Variants in CACNA2D4 observed in about 807,000 individuals in gnomAD.
CACNA2D4 encodes calcium voltage-gated channel auxiliary subunit alpha2delta 4.
Under a neutral mutation model 163.8 loss-of-function variants are expected in CACNA2D4, and 157 were observed. That is an observed-to-expected ratio of 0.96 (90% CI 0.84 to 1.09). CACNA2D4 has a LOEUF of 1.09. CACNA2D4 is among the 50% of genes least tolerant of loss of function. The probability of loss-of-function intolerance (pLI) is 0.00; values close to 1 mark genes in which losing one functional copy is unlikely to be tolerated. For missense variants in CACNA2D4, 1,410 were observed against 1,479.9 expected, an observed-to-expected ratio of 0.95 and a Z score of 0.78; for synonymous variants, 598 against 586.9, an observed-to-expected ratio of 1.02 and a Z score of -0.27.
At chr12:1,909,448 C>T (rs1006142837) in intron 4 of CACNA2D4, among the ~76,000 whole-genome samples, 17 of 152,236 alleles carry the variant, frequency 1.1e-4, no homozygotes, top group African/African-American at 3.9e-4. Flanking sequence ...CCCGCCTCAG[C>T]CTCCCAAAGT....
chr12:1,861,368 G>A (rs922891454), intron 18 of CACNA2D4, among the ~76,000 whole-genome samples: 2 of 152,132 alleles, frequency 1.3e-5, no homozygotes, highest in African/African-American at 4.8e-5. Context: ...AAGATGTCTT[G>A]GGGGAGTTGG....
At chr12:1,815,559 A>G (rs1227705798) in intron 26 of CACNA2D4, among the ~76,000 whole-genome samples, 1 of 151,142 alleles carries the variant, frequency 6.6e-6, no homozygotes, top group Non-Finnish European at 1.5e-5. Context: ...GTCTGGGGCT[A>G]ATAGCAGGCA....
chr12:1,797,192 C>G (rs1366765135), intron 35 of CACNA2D4, among the ~76,000 whole-genome samples: 1 of 152,230 alleles, frequency 6.6e-6, no homozygotes, highest in African/African-American at 2.4e-5. Flanking sequence ...CCGGCTGTCC[C>G]GGTCCCCAGC....
Position 1,793,575 on chromosome 12 carries a change from T to G in CACNA2D4, c.*80A>C. Reference sequence around the variant, plus strand: ...TGGGGGCGACCCAACTGCAGTTAGCTGCATCCCATGTCAGTGCTGACTTTT... The same window carrying G: ...TGGGGGCGACCCAACTGCAGTTAGCGGCATCCCATGTCAGTGCTGACTTTT... On this transcript the variant is annotated 3_prime_UTR_variant, in exon 38 of 38. Transcript: ENST00000382722. 1.6e-6 allele frequency: 2 copies of G among 1,272,158 alleles called. No individual in the cohort carries two copies. The highest frequency in any genetic ancestry group is 2.3e-6 in the Non-Finnish European group (2 of 872,926). 78.8% of individuals were successfully genotyped at this position (1,272,158 alleles called of 1,614,324 possible). A position where few individuals can be genotyped will look rare whatever the true frequency, so the allele number is the denominator to read the frequency against.
chr12:1,805,504 G>A (rs35786612), intron 29 of CACNA2D4, among the ~76,000 whole-genome samples: 7,558 of 152,252 alleles, frequency 0.05, 251 homozygotes, highest in Middle Eastern at 0.088. Context: ...TGTCTGGCTC[G>A]GGTCGGGATC....
chr12:1,854,088 T>A, intron 22 of CACNA2D4, 44 bp from the exon 23 acceptor site: 1 of 1,437,830 alleles, frequency 7.0e-7, no homozygotes, highest in East Asian at 2.4e-5. Context: ...GCTTCCTCCA[T>A]GCTCATGAAC....
intron 19 of CACNA2D4, among the ~76,000 whole-genome samples, chr12:1,859,146 T>C (rs1409419410): frequency 3.3e-5 from 5 of 152,140 alleles, no homozygotes; most frequent in Admixed American, 2.6e-4. Flanking sequence ...ATTAAATTGG[T>C]CTGGCCAGCC....
rs367633944 is a variant in CACNA2D4 at position 1,886,298 on chromosome 12, C to T, written c.918G>A (p.Arg306=). Residue 306 remains arginine (R), a synonymous_variant, in exon 8 of 38, where the codon AGG becomes AGA. Coordinates refer to ENST00000382722, the MANE Select transcript of CACNA2D4 (RefSeq NM_172364.5). The part of the protein sequence containing the change: ...VDVSGSMKGL[R]MTIAKHTITT... Reference sequence around the variant, plus strand: ...TGATGGTGTGCTTGGCAATAGTCATCCTCAGCCCCTTCATACTGCCGCTCA... The same window carrying T: ...TGATGGTGTGCTTGGCAATAGTCATTCTCAGCCCCTTCATACTGCCGCTCA... The T allele has an allele frequency of 7.4e-6, 12 of 1,613,648 alleles. No individual in the cohort carries two copies. The highest frequency in any genetic ancestry group is 1.0e-5 in the Non-Finnish European group (12 of 1,179,702).
chr12:1,860,286 G>T (rs1181912283), intron 18 of CACNA2D4, 80 bp from the exon 19 acceptor site: 2 of 1,032,674 alleles, frequency 1.9e-6, no homozygotes, highest in South Asian at 1.3e-5. Context: ...GGGCTCTTGG[G>T]GTCTTCATCG....
intron 6 of CACNA2D4, 54 bp from the exon 7 acceptor site, chr12:1,887,123 C>T: frequency 2.3e-6 from 3 of 1,310,770 alleles, no homozygotes; most frequent in Admixed American, 3.9e-5. Context: ...ACCCCAGATC[C>T]CCTGGCTGGG....
intron 6 of CACNA2D4, among the ~76,000 whole-genome samples, chr12:1,899,393 C>A (rs1000738610): frequency 2.6e-5 from 4 of 151,522 alleles, no homozygotes; most frequent in African/African-American, 7.3e-5. Context: ...CCTGACAAGA[C>A]TAACAAAATA....
chr12:1,900,140 G>GT (rs985498857), intron 6 of CACNA2D4, among the ~76,000 whole-genome samples: 3 of 152,048 alleles, frequency 2.0e-5, no homozygotes, highest in Non-Finnish European at 4.4e-5. Context: ...AATAAAAATT[G>GT]TTTTTTTGAG....
intron 3 of CACNA2D4, among the ~76,000 whole-genome samples, chr12:1,910,670 TA>T (rs1352679383): frequency 6.6e-6 from 1 of 152,198 alleles, no homozygotes; most frequent in African/African-American, 2.4e-5. Flanking sequence ...TATGCAGCCC[TA>T]AAAAGGAATG....
rs879077571 is a variant in CACNA2D4, at chr12:1,907,665, G to A, written c.650-94C>T. The A allele has an allele frequency of 3.2e-4, 332 of 1,048,318 alleles. 2 individuals are homozygous for A. Among genetic ancestry groups the A allele is most frequent in the Middle Eastern group, 4.7e-4 (2 of 4,294 alleles). 64.9% of individuals were successfully genotyped at this position (1,048,318 alleles called of 1,614,324 possible). A position where few individuals can be genotyped will look rare whatever the true frequency, so the allele number is the denominator to read the frequency against. ...GGGTGCCTGGTGGGCGTGTCTGGTG[G>A]GCGTGTCTGGTAAGCGTGCCTGGTG... On this transcript the variant is annotated intron_variant, in intron 5 of 37. Transcript: ENST00000382722.
rs574616609 is a variant in CACNA2D4 at position 1,891,184 on chromosome 12, A to T, written c.782-4115T>A. 5.3e-5 allele frequency among the ~76,000 whole-genome samples: 8 copies of T among 152,268 alleles called. No homozygotes were observed. In the East Asian group the frequency reaches 1.5e-3, roughly 29 times the overall value. On this transcript the variant is annotated intron_variant, in intron 6 of 37. Transcript: ENST00000382722. ...GTGTACACCTCCCTGGGACCCAAGG[A>T]CATGCATGCTCAGCCCACTGCCACA... is the stretch of plus-strand genomic sequence containing the variant.
At chr12:1,903,810 G>A (rs1866593633) in intron 6 of CACNA2D4, among the ~76,000 whole-genome samples, 1 of 152,054 alleles carries the variant, frequency 6.6e-6, no homozygotes. Context: ...GAACAGTTTT[G>A]AGGTTCCTCA....
intron 6 of CACNA2D4, among the ~76,000 whole-genome samples, chr12:1,896,706 T>A (rs1866415791): frequency 6.6e-6 from 1 of 150,690 alleles, no homozygotes; most frequent in African/African-American, 2.4e-5. Flanking sequence ...ATGCCATTGG[T>A]GGGAATGTAA....
In CACNA2D4 at chr12:1,834,470, GA is replaced by G; in HGVS notation, c.2551+6268del. 6.2e-7 allele frequency: 1 copy of G among 1,610,632 alleles called. No individual in the cohort carries two copies. The highest frequency in any genetic ancestry group is 8.5e-7 in the Non-Finnish European group (1 of 1,179,816). On this transcript the variant is annotated intron_variant, in intron 26 of 37. Transcript: ENST00000382722. This position sits in a 1 kb window ranked among gnomAD's most constrained non-coding sequence, Gnocchi z 7.6. The stretch of plus-strand genomic sequence containing the variant: ...CAAGCCCGGGGCTGAGCCGGAGCCG[GA>G]GCCCAGCACAGCCTGCCCACAGAAG...
chr12:1,901,427 A>C (rs902162051), intron 6 of CACNA2D4, among the ~76,000 whole-genome samples: 3 of 152,070 alleles, frequency 2.0e-5, no homozygotes, highest in African/African-American at 4.8e-5. Flanking sequence ...AAAAAGATAA[A>C]CAAAATTGAC....
Sources: allele counts gnomAD v4.1 joint callset (sites outside exome capture counted in the v4.1 genomes callset), GRCh38; gene constraint gnomAD v4.1.1; non-coding constraint Gnocchi (gnomAD v3.1); transcripts MANE v1.5; gene names NCBI Gene and HGNC (gene_info 2026-07-23, HGNC 2026-07-21).